VCPIP1: variants seen among roughly 807,000 people sequenced by gnomAD.
The protein encoded by VCPIP1 is valosin containing protein interacting protein 1.
Under a neutral mutation model 85.0 loss-of-function variants are expected in VCPIP1, and 8 were observed. The observed-to-expected ratio is 0.09, with a 90% CI of 0.06 to 0.17. The LOEUF (loss-of-function observed/expected upper bound fraction) is 0.17, where lower values mean the gene tolerates loss of function less well. Among genes scored for constraint, VCPIP1 ranks in the 10% least tolerant of loss-of-function variants. The pLI, the probability that VCPIP1 is intolerant of heterozygous loss-of-function variation, is 1.00. For synonymous variants in VCPIP1, 543 were observed against 544.5 expected (o/e 1.00, Z 0.04); for missense variants, 1,070 against 1,486.3 (o/e 0.72, Z 4.61).
At chr8:66,653,332 C>T (rs1180538119) in intron 1 of VCPIP1, 1 of 152,122 alleles carries the variant, frequency 6.6e-6, no homozygotes, top group African/African-American at 2.4e-5. Flanking sequence ...ATGATGATAA[C>T]CTTTCATTTC....
chr8:66,654,010 G>C (rs1385309100), intron 1 of VCPIP1, among the ~76,000 whole-genome samples: 1 of 152,134 alleles, frequency 6.6e-6, no homozygotes, highest in Admixed American at 6.6e-5. Context: ...CTCTGAGCAG[G>C]CTCTTCACAT....
At chr8:66,642,499 T>A (rs752042209) in intron 2 of VCPIP1, among the ~76,000 whole-genome samples, 4 of 152,226 alleles carry the variant, frequency 2.6e-5, no homozygotes, top group Non-Finnish European at 5.9e-5. Flanking sequence ...CCAAGGTCAA[T>A]ACAGTTTATG....
intron 1 of VCPIP1, among the ~76,000 whole-genome samples, chr8:66,662,371 T>C (rs1170179628): frequency 7.2e-5 from 11 of 152,220 alleles, no homozygotes; most frequent in Non-Finnish European, 1.6e-4. Context: ...TGTACCTTTT[T>C]CCTTTGTACA....
intron 1 of VCPIP1, among the ~76,000 whole-genome samples, chr8:66,658,278 G>A (rs1306265393): frequency 6.7e-6 from 1 of 150,206 alleles, no homozygotes; most frequent in Non-Finnish European, 1.5e-5. Flanking sequence ...AGGTTGCAGT[G>A]AGCCGAGATT....
intron 1 of VCPIP1, among the ~76,000 whole-genome samples, chr8:66,658,366 A>G (rs186214728): frequency 9.5e-4 from 144 of 151,816 alleles, no homozygotes; most frequent in African/African-American, 3.3e-3. Context: ...AAGAATATGC[A>G]TAAGTACTAT....
At chr8:66,650,407 A>G (rs1191462796) in intron 2 of VCPIP1, among the ~76,000 whole-genome samples, 1 of 152,200 alleles carries the variant, frequency 6.6e-6, no homozygotes, top group East Asian at 1.9e-4. Context: ...GGTGAAATAG[A>G]TAAGCCAGAA....
intron 1 of VCPIP1, among the ~76,000 whole-genome samples, chr8:66,655,979 T>C (rs1811096242): frequency 6.6e-6 from 1 of 152,164 alleles, no homozygotes; most frequent in Non-Finnish European, 1.5e-5. Context: ...AAACAGTAGC[T>C]ATATATGGCA....
intron 2 of VCPIP1, among the ~76,000 whole-genome samples, chr8:66,647,482 AATAACT>A (rs1460416476): frequency 6.6e-6 from 1 of 152,126 alleles, no homozygotes; most frequent in Non-Finnish European, 1.5e-5. Flanking sequence ...TGATTTCAAG[AATAACT>A]ATAAGATACA....
At chr8:66,639,801 C>T (rs1207734206) in intron 2 of VCPIP1, among the ~76,000 whole-genome samples, 12 of 151,908 alleles carry the variant, frequency 7.9e-5, no homozygotes, top group South Asian at 4.2e-4. Flanking sequence ...TTTTGGAAGA[C>T]GGAGGTAAAT....
intron 1 of VCPIP1, among the ~76,000 whole-genome samples, chr8:66,663,668 T>C (rs1020643029): frequency 8.5e-5 from 13 of 152,226 alleles, no homozygotes; most frequent in African/African-American, 3.1e-4. Flanking sequence ...TCATTATAAT[T>C]GATGGCAAAG....
Position 66,666,635 on chromosome 8 carries a change from C to A in VCPIP1, c.324G>T (p.Gly108=). The change falls in exon 1 of 3, where the codon GGG becomes GGT. Residue 108 remains glycine, a synonymous_variant. Coordinates refer to ENST00000310421, the MANE Select transcript of VCPIP1 (RefSeq NM_025054.5). The surrounding 1 kb of genome is among the most constrained non-coding windows in gnomAD (Gnocchi z 6.3). ...LLRNALLGVT[G]APKKNTELVK... ...CCAGTTCCGTGTTCTTCTTGGGTGC[C>A]CCCGTAACCCCGAGCAGCGCGTTCC... 1 of 1,614,166 alleles carries A rather than the reference C, an allele frequency of 6.2e-7. No individual in the cohort carries two copies. The highest frequency in any genetic ancestry group is 8.5e-7 in the Non-Finnish European group (1 of 1,180,024).
rs1222782807 is a variant in VCPIP1, at chr8:66,628,666, G to C, written c.*5835C>G. ...TGAGAATTCTATTCTGATGGTATGT[G>C]ACCAATGGCATGCATATACAAGACC... On this transcript the variant is annotated 3_prime_UTR_variant, in exon 3 of 3. Transcript: ENST00000310421. 1 of 152,190 alleles carries C rather than the reference G, an allele frequency of 6.6e-6. No individual in the cohort carries two copies. The allele number at this position is 152,190 out of a possible 1,614,324, so 9.4% of individuals were successfully genotyped here.
intron 1 of VCPIP1, among the ~76,000 whole-genome samples, chr8:66,658,616 G>A (rs1265333810): frequency 2.6e-5 from 4 of 151,932 alleles, no homozygotes; most frequent in African/African-American, 9.7e-5. Flanking sequence ...AACCTCCTGA[G>A]TAGCTGGGAT....
At chr8:66,655,379 T>C (rs980271152) in intron 1 of VCPIP1, among the ~76,000 whole-genome samples, 5 of 152,168 alleles carry the variant, frequency 3.3e-5, no homozygotes, top group Non-Finnish European at 5.9e-5. Flanking sequence ...GAAGCTACGG[T>C]TTTAATTTCT....
In VCPIP1 at chr8:66,667,157, T is replaced by A; in HGVS notation, c.-199A>T. On this transcript the variant is annotated 5_prime_UTR_variant, in exon 1 of 3. Coordinates refer to ENST00000310421, the MANE Select transcript of VCPIP1 (RefSeq NM_025054.5). ...TCTTACTTCTCCACTGCCGTAGCCG[T>A]TGCCCCGAACGTAACGGCCACCACC... 10 of 1,246,550 alleles carry A rather than the reference T, an allele frequency of 8.0e-6. No homozygotes were observed. Among genetic ancestry groups the A allele is most frequent in the Non-Finnish European group, 1.1e-5 (10 of 948,440 alleles). The allele number at this position is 1,246,550 out of a possible 1,614,324, so 77.2% of individuals were successfully genotyped here. A position where few individuals can be genotyped will look rare whatever the true frequency, so the allele number is the denominator to read the frequency against.
At chr8:66,654,492 G>A (rs1013741185) in intron 1 of VCPIP1, among the ~76,000 whole-genome samples, 13 of 152,268 alleles carry the variant, frequency 8.5e-5, no homozygotes, top group African/African-American at 3.1e-4. Context: ...AGGTCAAGTT[G>A]TGTTTCGGCA....
rs1811205678 is a variant in VCPIP1 at position 66,666,041 on chromosome 8, T to C, written c.918A>G (p.Leu306=). 6 of 1,614,028 alleles carry C rather than the reference T, an allele frequency of 3.7e-6. No homozygotes were observed. The African/African-American group carries it at 4.0e-5, about 11-fold the overall frequency. ...ANVLHRPIIL[L]DSLSGMRSSG... is the part of the protein sequence containing the mutation. ...AGCTTCTCATGCCACTGAGGGAATCTAACAGAATAATAGGACGATGTAGCA... is the reference window on the plus strand; with the variant it reads ...AGCTTCTCATGCCACTGAGGGAATCCAACAGAATAATAGGACGATGTAGCA... Residue 306 remains leucine, a synonymous_variant, in exon 1 of 3, where the codon TTA becomes TTG. Transcript: ENST00000310421. The surrounding 1 kb of genome is among the most constrained non-coding windows in gnomAD (Gnocchi z 6.3).
chr8:66,630,482 C>T lies in VCPIP1; in HGVS notation c.*4019G>A, dbSNP rs894284593. The T allele has an allele frequency of 3.3e-5, 5 of 152,584 alleles. No individual in the cohort carries two copies. The highest frequency in any genetic ancestry group is 2.0e-4 in the Admixed American group (3 of 15,286). 9.5% of individuals were successfully genotyped at this position (152,584 alleles called of 1,614,324 possible). A position where few individuals can be genotyped will look rare whatever the true frequency, so the allele number is the denominator to read the frequency against. On this transcript the variant is annotated 3_prime_UTR_variant, in exon 3 of 3. Coordinates refer to ENST00000310421, the MANE Select transcript of VCPIP1 (RefSeq NM_025054.5). The stretch of plus-strand genomic sequence containing the variant: ...CCACAGGCATAATAAGGGCTCAGGA[C>T]GAGATTTCTGCATTCTAAAGAAAAG...
chr8:66,667,209 C>T lies in VCPIP1; in HGVS notation c.-251G>A, dbSNP rs1263702309. 2 of 663,634 alleles carry T rather than the reference C, an allele frequency of 3.0e-6. No homozygotes were observed. The highest frequency in any genetic ancestry group is 2.3e-6 in the Non-Finnish European group (1 of 427,924). 41.1% of individuals were successfully genotyped at this position (663,634 alleles called of 1,614,324 possible). On this transcript the variant is annotated 5_prime_UTR_variant, in exon 1 of 3. Transcript: ENST00000310421. ...CACCCCGCACTCACACTCACTCACT[C>T]TCGCTCTCTCTCCCTCAGACACAGA...
Sources: allele counts gnomAD v4.1 joint callset (sites outside exome capture counted in the v4.1 genomes callset), GRCh38; gene constraint gnomAD v4.1.1; non-coding constraint Gnocchi (gnomAD v3.1); transcripts MANE v1.5; gene names NCBI Gene and HGNC (gene_info 2026-07-23, HGNC 2026-07-21).